GABRA3: variants seen among roughly 807,000 people sequenced by gnomAD.
The protein encoded by GABRA3 is gamma-aminobutyric acid type A receptor subunit alpha3.
GABRA3 carries 10 observed loss-of-function variants against 30.1 expected under a neutral mutation model. The ratio of observed to expected loss-of-function variants is 0.33; its 90% CI spans 0.20 to 0.56. The LOEUF is 0.56. Among genes scored for constraint, GABRA3 ranks in the 20% least tolerant of loss-of-function variants. The pLI, the probability that GABRA3 is intolerant of heterozygous loss-of-function variation, is 0.89. For synonymous variants in GABRA3, 151 were observed against 146.8 expected (o/e 1.03, Z -0.21); for missense variants, 233 against 392.0 (o/e 0.59, Z 3.42).
At chrX:152,198,063 T>C (rs146080366) in intron 7 of GABRA3, among the ~76,000 whole-genome samples, 57 of 112,017 alleles carry the variant, frequency 5.1e-4, no homozygotes, top group African/African-American at 1.8e-3. Flanking sequence ...AATAATAAAA[T>C]AAAAATCTCT....
chrX:152,292,456 G>A (rs779377472), intron 3 of GABRA3, among the ~76,000 whole-genome samples: 21 of 110,532 alleles, frequency 1.9e-4, no homozygotes, highest in Admixed American at 9.7e-5. Flanking sequence ...TATTAGTCTC[G>A]CTAGCGGTCT....
In GABRA3 at chrX:152,298,470, C is replaced by T. The variant is rs866467146; in HGVS notation, c.263-13735G>A. 3.1e-3 allele frequency among the ~76,000 whole-genome samples: 327 copies of T among 106,590 alleles called. 1 individual carries two copies. Among genetic ancestry groups the T allele is most frequent in the African/African-American group, 0.011 (308 of 28,859 alleles). 92.6% of individuals were successfully genotyped at this position (106,590 alleles called of 115,157 possible). A position where few individuals can be genotyped will look rare whatever the true frequency, so the allele number is the denominator to read the frequency against. Reference sequence around the variant, plus strand: ...ATTCCCACCTATGAGTGAGAACATGCGGTGTTTGGTTTTTTGTCCTTGCGA... The same window carrying T: ...ATTCCCACCTATGAGTGAGAACATGTGGTGTTTGGTTTTTTGTCCTTGCGA... On this transcript the variant is annotated intron_variant, in intron 3 of 9. Coordinates refer to ENST00000370314, the MANE Select transcript of GABRA3 (RefSeq NM_000808.4).
At chrX:152,305,583 A>T (rs1939708524) in intron 3 of GABRA3, among the ~76,000 whole-genome samples, 1 of 111,487 alleles carries the variant, frequency 9.0e-6, no homozygotes, top group African/African-American at 3.3e-5. Flanking sequence ...AACTACCTAA[A>T]AGTAAAGTGA....
At chrX:152,401,816 A>G (rs760870069) in intron 1 of GABRA3, among the ~76,000 whole-genome samples, 25 of 111,739 alleles carry the variant, frequency 2.2e-4, no homozygotes, top group African/African-American at 6.8e-4. Context: ...AGACCATTGT[A>G]GGAGAACAGC....
intron 3 of GABRA3, among the ~76,000 whole-genome samples, chrX:152,287,941 C>T (rs1230364244): frequency 9.0e-6 from 1 of 110,752 alleles, no homozygotes; most frequent in East Asian, 2.8e-4. Context: ...TCAAACTTCT[C>T]AACATTATTT....
chrX:152,375,065 C>G (rs945850751), intron 1 of GABRA3, among the ~76,000 whole-genome samples: 2 of 111,104 alleles, frequency 1.8e-5, no homozygotes, highest in Non-Finnish European at 3.8e-5. Context: ...ATGGCCATAC[C>G]GCCCAAAGTA....
At chrX:152,189,292 C>T (rs1010586231) in intron 9 of GABRA3, among the ~76,000 whole-genome samples, 1 of 111,970 alleles carries the variant, frequency 8.9e-6, no homozygotes, top group African/African-American at 3.2e-5. Context: ...TGGGAAAAAA[C>T]AAAGAGCATT....
rs747966228 is a variant in GABRA3, at chrX:152,255,769, C to T, written c.551+9G>A. The T allele has an allele frequency of 3.3e-6, 4 of 1,201,508 alleles. No homozygotes were observed. In the African/African-American group the frequency reaches 5.3e-5, roughly 16 times the overall value. On this transcript the variant is annotated intron_variant, in intron 5 of 9. Coordinates refer to ENST00000370314, the MANE Select transcript of GABRA3 (RefSeq NM_000808.4). ...AATATACTTTGGGTGGGAACCACCACTCTCTGACCTCATTGTATAGAGGAG... is the reference window on the plus strand; with the variant it reads ...AATATACTTTGGGTGGGAACCACCATTCTCTGACCTCATTGTATAGAGGAG...
At chrX:152,406,594 A>ATT (rs887006541) in intron 1 of GABRA3, among the ~76,000 whole-genome samples, 1 of 100,953 alleles carries the variant, frequency 9.9e-6, no homozygotes, top group African/African-American at 3.8e-5. Context: ...ATATATATAT[A>ATT]TTTTTATATG....
intron 4 of GABRA3, among the ~76,000 whole-genome samples, chrX:152,272,690 C>T (rs916132451): frequency 1.8e-5 from 2 of 111,674 alleles, no homozygotes; most frequent in Non-Finnish European, 3.8e-5. Flanking sequence ...CCATCCGAAT[C>T]TCATTTTGAA....
At chrX:152,207,261 G>A (rs1245763318) in intron 7 of GABRA3, among the ~76,000 whole-genome samples, 2 of 111,257 alleles carry the variant, frequency 1.8e-5, no homozygotes, top group Admixed American at 1.9e-4. Context: ...AACGTTGAAA[G>A]CTTCTATCAT....
chrX:152,381,604 C>T (rs770910496), intron 1 of GABRA3, among the ~76,000 whole-genome samples: 6 of 110,782 alleles, frequency 5.4e-5, no homozygotes, highest in African/African-American at 9.9e-5. Context: ...ATGTGCAGAA[C>T]GTGGAGGTTT....
intron 3 of GABRA3, among the ~76,000 whole-genome samples, chrX:152,303,574 A>G (rs1442248491): frequency 1.8e-5 from 2 of 112,095 alleles, no homozygotes; most frequent in African/African-American, 6.5e-5. Flanking sequence ...AATGCCCATC[A>G]ATGATAGACT....
chrX:152,378,930 G>A (rs764340233), intron 1 of GABRA3, among the ~76,000 whole-genome samples: 35 of 111,416 alleles, frequency 3.1e-4, no homozygotes, highest in African/African-American at 1.1e-3. Context: ...TTACCAGGGA[G>A]ATATAATAAA....
At chrX:152,393,085 G>A (rs1929537386) in intron 1 of GABRA3, among the ~76,000 whole-genome samples, 2 of 112,057 alleles carry the variant, frequency 1.8e-5, no homozygotes, top group African/African-American at 6.5e-5. Context: ...ACAGGAGCAG[G>A]TAGACATGAA....
intron 1 of GABRA3, chrX:152,394,320 G>A (rs1603253709): frequency 2.9e-6 from 1 of 345,780 alleles, no homozygotes; most frequent in East Asian, 8.1e-5. Flanking sequence ...ACAATATGCT[G>A]TGATTCTTCT....
At chrX:152,404,511 G>A (rs1240484660) in intron 1 of GABRA3, among the ~76,000 whole-genome samples, 1 of 110,234 alleles carries the variant, frequency 9.1e-6, no homozygotes, top group Non-Finnish European at 1.9e-5. Flanking sequence ...AAAACTTATT[G>A]ACAATACCTG....
At chrX:152,248,774 C>T (rs1938503359) in intron 5 of GABRA3, among the ~76,000 whole-genome samples, 1 of 111,516 alleles carries the variant, frequency 9.0e-6, no homozygotes. Context: ...GACTAGCTGA[C>T]AATAATGACG....
chrX:152,202,801 A>T (rs1937502168), intron 7 of GABRA3, among the ~76,000 whole-genome samples: 1 of 112,402 alleles, frequency 8.9e-6, no homozygotes, highest in Non-Finnish European at 1.9e-5. Context: ...AATTTTAAAA[A>T]TGGAAATAAT....
Sources: allele counts gnomAD v4.1 joint callset (sites outside exome capture counted in the v4.1 genomes callset), GRCh38; gene constraint gnomAD v4.1.1; transcripts MANE v1.5; gene names NCBI Gene and HGNC (gene_info 2026-07-23, HGNC 2026-07-21).